Variants in CNTN2 observed in about 807,000 individuals in gnomAD.
CNTN2 encodes contactin 2.
A neutral mutation model predicts 117.5 loss-of-function variants in CNTN2; 53 were observed. That is an observed-to-expected ratio of 0.45 (90% CI 0.36 to 0.57). CNTN2 has a LOEUF of 0.57. Ranked by LOEUF, CNTN2 falls within the 20% of genes least tolerant of loss-of-function variation. The probability of loss-of-function intolerance (pLI) is 0.00; values close to 1 mark genes in which losing one functional copy is unlikely to be tolerated. For synonymous variants in CNTN2, 530 were observed against 561.7 expected (o/e 0.94, Z 0.80); for missense variants, 1,106 against 1,404.3 (o/e 0.79, Z 3.39).
chr1:205,043,691 C>A (rs903980747), intron 1 of CNTN2, among the ~76,000 whole-genome samples: 11 of 152,176 alleles, frequency 7.2e-5, no homozygotes, highest in Non-Finnish European at 1.3e-4. Context: ...GGCCAGCGGG[C>A]AGTGGCAGCT....
chr1:205,060,792 C>T (rs1653935310), intron 7 of CNTN2: 1 of 158,296 alleles, frequency 6.3e-6, no homozygotes, highest in African/African-American at 2.4e-5. Flanking sequence ...ACTGATACCT[C>T]AGTCCGTTTT....
rs147693556 is a variant in CNTN2 at position 205,064,636 on chromosome 1, C to T, written c.1405C>T (p.Pro469Ser). Reference sequence around the variant, plus strand: ...TCCTTGCCACAGAGTGACTGTAACTCCAGATGGCACCTTGATCATAAGAAA... The same window carrying T: ...TCCTTGCCACAGAGTGACTGTAACTTCAGATGGCACCTTGATCATAAGAAA... ...LVNSSRVTVTPDGTLIIRNIS... is the reference protein window; with the variant it reads ...LVNSSRVTVTSDGTLIIRNIS... Residue 469 changes from proline to serine, a missense_variant, in exon 12 of 23, where the codon CCA becomes TCA. Coordinates refer to ENST00000331830, the MANE Select transcript of CNTN2 (RefSeq NM_005076.5). 6.2e-6 allele frequency: 10 copies of T among 1,614,166 alleles called. No individual in the cohort carries two copies. The South Asian group carries it at 1.1e-4, about 18-fold the overall frequency.
In CNTN2 at chr1:205,075,629, A is replaced by AT. The variant is rs940907944; in HGVS notation, c.*1870dup. On this transcript the variant is annotated 3_prime_UTR_variant, in exon 23 of 23. Transcript: ENST00000331830. ...TTTATGTTGATGTTTACCCACTACA[A>AT]TTTTTTAAAAATATAAGCTCACATG... 1 of 152,256 alleles carries AT rather than the reference A, an allele frequency of 6.6e-6. No individual in the cohort carries two copies. Among genetic ancestry groups the AT allele is most frequent in the Non-Finnish European group, 1.5e-5 (1 of 68,000 alleles). 9.4% of individuals were successfully genotyped at this position (152,256 alleles called of 1,614,324 possible). A position where few individuals can be genotyped will look rare whatever the true frequency, so the allele number is the denominator to read the frequency against.
chr1:205,044,736 G>C (rs1211772245), intron 1 of CNTN2, among the ~76,000 whole-genome samples: 1 of 152,192 alleles, frequency 6.6e-6, no homozygotes, highest in Non-Finnish European at 1.5e-5. Flanking sequence ...ATGAGCCACT[G>C]GAGATCGAGT....
At position 205,073,360 on chromosome 1, in the gene CNTN2, G is replaced by C. The variant is rs1654693685; in HGVS notation, c.3013+124G>C. ...CGCAAAGGAAAGTGGAAGGCAGGCA[G>C]GAACCAAGTGCAAAGTAGTCTTAGA... On this transcript the variant is annotated intron_variant, in intron 22 of 22. Coordinates refer to ENST00000331830, the MANE Select transcript of CNTN2 (RefSeq NM_005076.5). This position sits in a 1 kb window ranked among gnomAD's most constrained non-coding sequence, Gnocchi z 6.3. 1 of 1,204,238 alleles carries C rather than the reference G, an allele frequency of 8.3e-7. No individual in the cohort carries two copies. The highest frequency in any genetic ancestry group is 1.2e-6 in the Non-Finnish European group (1 of 859,130). The allele number at this position is 1,204,238 out of a possible 1,614,324, so 74.6% of individuals were successfully genotyped here. A position where few individuals can be genotyped will look rare whatever the true frequency, so the allele number is the denominator to read the frequency against.
rs569999111 is a variant in CNTN2, at chr1:205,066,817, G to A, written c.1975+218G>A. On this transcript the variant is annotated intron_variant, in intron 15 of 22. Coordinates refer to ENST00000331830, the MANE Select transcript of CNTN2 (RefSeq NM_005076.5). ...AGTCGGGAAAGAGTTAGAAGAGGAG[G>A]CGCTTGGTCTATGCCCTTGAAGAAT... 2.3e-4 allele frequency among the ~76,000 whole-genome samples: 35 copies of A among 152,266 alleles called. No individual in the cohort carries two copies. In the South Asian group the frequency reaches 7.0e-3, roughly 31 times the overall value.
rs955257315 is a variant in CNTN2, at chr1:205,074,674, G to A, written c.*909G>A. On this transcript the variant is annotated 3_prime_UTR_variant, in exon 23 of 23. Transcript: ENST00000331830. ...TTGGGCAGGAGATGGCCAATCATGC[G>A]CCCACCTCTCCAGTGCTGCCTGCAG... 1.0e-5 allele frequency: 4 copies of A among 399,108 alleles called. No homozygotes were observed. Among genetic ancestry groups the A allele is most frequent in the Non-Finnish European group, 1.8e-5 (4 of 226,260 alleles). The allele number at this position is 399,108 out of a possible 1,614,324, so 24.7% of individuals were successfully genotyped here.
rs1362799354 is a variant in CNTN2, at chr1:205,059,427, T to C, written c.697+134T>C. 3.5e-6 allele frequency: 4 copies of C among 1,152,610 alleles called. No homozygotes were observed. Among genetic ancestry groups the C allele is most frequent in the Non-Finnish European group, 5.0e-6 (4 of 793,348 alleles). The allele number at this position is 1,152,610 out of a possible 1,614,324, so 71.4% of individuals were successfully genotyped here. ...TTCCAGGCCCTGGACCCCCAGATCC[T>C]CCTGCTTCAAATCCTGAGGCCCTTG... is the stretch of plus-strand genomic sequence containing the variant. On this transcript the variant is annotated intron_variant, in intron 6 of 22. Coordinates refer to ENST00000331830, the MANE Select transcript of CNTN2 (RefSeq NM_005076.5). This position sits in a 1 kb window ranked among gnomAD's most constrained non-coding sequence, Gnocchi z 5.6.
At chr1:205,070,860 G>T (rs1558554378) in intron 19 of CNTN2, 1 of 182,680 alleles carries the variant, frequency 5.5e-6, no homozygotes, top group Non-Finnish European at 1.2e-5. Context: ...GCTGGGCATG[G>T]TGGCCCATGC....
In CNTN2 at chr1:205,076,257, T is replaced by C. The variant is rs1654859125; in HGVS notation, c.*2492T>C. 6.6e-6 allele frequency: 1 copy of C among 152,208 alleles called. No individual in the cohort carries two copies. The highest frequency in any genetic ancestry group is 2.1e-4 in the South Asian group (1 of 4,834). 9.4% of individuals were successfully genotyped at this position (152,208 alleles called of 1,614,324 possible). A position where few individuals can be genotyped will look rare whatever the true frequency, so the allele number is the denominator to read the frequency against. Reference sequence around the variant, plus strand: ...AGAACGACAACAAAATAAATGTTCCTGCAGCCTGAGATTTCAGGTAGAGTA... The same window carrying C: ...AGAACGACAACAAAATAAATGTTCCCGCAGCCTGAGATTTCAGGTAGAGTA... On this transcript the variant is annotated 3_prime_UTR_variant, in exon 23 of 23. Transcript: ENST00000331830.
chr1:205,067,388 G>A (rs1005370714), intron 16 of CNTN2, 138 bp downstream of exon 16: 1 of 1,043,920 alleles, frequency 9.6e-7, no homozygotes, highest in Non-Finnish European at 1.3e-6. Context: ...AAACAGAGGA[G>A]GACAGAACAC....
chr1:205,050,864 C>A (rs1361696473), intron 1 of CNTN2, among the ~76,000 whole-genome samples: 1 of 152,208 alleles, frequency 6.6e-6, no homozygotes, highest in Non-Finnish European at 1.5e-5. Flanking sequence ...GGTGATCCAC[C>A]CGCCTCGGCC....
At position 205,061,724 on chromosome 1, in the gene CNTN2, T is replaced by G; in HGVS notation, c.974-141T>G. The G allele has an allele frequency of 8.7e-7, 1 of 1,153,866 alleles. No homozygotes were observed. The highest frequency in any genetic ancestry group is 1.2e-6 in the Non-Finnish European group (1 of 823,480). The allele number at this position is 1,153,866 out of a possible 1,614,324, so 71.5% of individuals were successfully genotyped here. ...GTGCCTCCTTCTTCCGGCCCCCTCC[T>G]CTTTGTCCTCTCCATCTCAGAATGC... is the stretch of plus-strand genomic sequence containing the variant. On this transcript the variant is annotated intron_variant, in intron 8 of 22. Transcript: ENST00000331830. This position sits in a 1 kb window ranked among gnomAD's most constrained non-coding sequence, Gnocchi z 4.8.
Position 205,073,921 on chromosome 1 carries a change from T to C in CNTN2, c.*156T>C. 1.6e-6 allele frequency: 1 copy of C among 630,816 alleles called. No homozygotes were observed. 39.1% of individuals were successfully genotyped at this position (630,816 alleles called of 1,614,324 possible). ...TGCCCTTTTTGTAGGAGGTAGGATA[T>C]TTTATATTCTGCCGCAGGATAGAAC... On this transcript the variant is annotated 3_prime_UTR_variant, in exon 23 of 23. Transcript: ENST00000331830. The surrounding 1 kb of genome is among the most constrained non-coding windows in gnomAD (Gnocchi z 6.3).
At chr1:205,069,795 A>C in intron 17 of CNTN2, 32 bp from the exon 18 acceptor site, 1 of 1,597,124 alleles carries the variant, frequency 6.3e-7, no homozygotes, top group Non-Finnish European at 8.6e-7. Context: ...CATGCCGCGG[A>C]CCCTCGCCCA....
Position 205,062,522 on chromosome 1 carries a change from A to G in CNTN2, c.1193A>G (p.Glu398Gly), listed in dbSNP as rs765988318. 1 of 1,614,132 alleles carries G rather than the reference A, an allele frequency of 6.2e-7. No individual in the cohort carries two copies. Among genetic ancestry groups the G allele is most frequent in the Non-Finnish European group, 8.5e-7 (1 of 1,180,000 alleles). Reference protein sequence around the residue: ...EDSGMYQCVAENKHGTIYASA... With the variant: ...EDSGMYQCVAGNKHGTIYASA... ...TCGGGCATGTACCAGTGTGTGGCAG[A>G]GAATAAGCACGGTACCATCTACGCC... is the stretch of plus-strand genomic sequence containing the variant. The change falls in exon 10 of 23, where the codon GAG becomes GGG. Residue 398 changes from glutamate (E) to glycine (G), a missense_variant. Glu to Gly is a moderately conservative substitution (Grantham distance 98). Coordinates refer to ENST00000331830, the MANE Select transcript of CNTN2 (RefSeq NM_005076.5).
intron 2 of CNTN2, among the ~76,000 whole-genome samples, chr1:205,055,928 A>G (rs1574638132): frequency 6.6e-6 from 1 of 152,332 alleles, no homozygotes; most frequent in East Asian, 1.9e-4. Flanking sequence ...TGGATTATAT[A>G]TAAAAGTCTC....
At chr1:205,064,282 T>A (rs1654148536) in intron 10 of CNTN2, 40 bp from the exon 11 acceptor site, 1 of 1,521,434 alleles carries the variant, frequency 6.6e-7, no homozygotes, top group Non-Finnish European at 8.8e-7. Context: ...TAATCAAGGG[T>A]GACAGTACTT....
chr1:205,070,671 C>A, intron 19 of CNTN2, 133 bp downstream of exon 19: 2 of 626,640 alleles, frequency 3.2e-6, no homozygotes, highest in East Asian at 2.9e-5. Context: ...AGCATCCAGT[C>A]TGTGTAGCAC....
Sources: gnomAD v4.1 joint callset for allele counts (sites outside exome capture counted in the v4.1 genomes callset) on GRCh38, gnomAD v4.1.1 for gene constraint, Gnocchi (gnomAD v3.1) non-coding constraint, MANE v1.5 for transcripts, NCBI Gene and HGNC (gene_info 2026-07-23, HGNC 2026-07-21) for gene names.